DYNC2I1: variants seen among roughly 807,000 people sequenced by gnomAD.
DYNC2I1 encodes the protein cytoplasmic dynein 2 intermediate chain 1.
A neutral mutation model predicts 133.4 loss-of-function variants in DYNC2I1; 89 were observed. The observed-to-expected ratio is 0.67, with a 90% confidence interval of 0.56 to 0.80. DYNC2I1 has a LOEUF of 0.80. DYNC2I1 is among the 30% of genes least tolerant of loss of function. The pLI is 0.00. For synonymous variants in DYNC2I1, 504 were observed against 484.3 expected, an observed-to-expected ratio of 1.04 and a Z score of -0.54; for missense variants, 1,291 against 1,314.5, an observed-to-expected ratio of 0.98 and a Z score of 0.28.
chr7:158,849,751 C>G, the DYNC2I1 span, among the ~76,000 whole-genome samples: 1,467 of 152,334 alleles, frequency 9.6e-3, 25 homozygotes, highest in African/African-American at 0.033. Flanking sequence ...CAGCTCTCAA[C>G]AGAGAGGGTA....
At chr7:158,856,860 C>T in intron 1 of DYNC2I1, 110 bp downstream of exon 1, 7 of 1,179,760 alleles carry the variant, frequency 5.9e-6, no homozygotes, top group Non-Finnish European at 4.2e-6. Context: ...TTCTCTCGGC[C>T]GGGCCGGGGC....
At chr7:158,926,693 C>T (rs138335624) in intron 19 of DYNC2I1, among the ~76,000 whole-genome samples, 136 of 152,166 alleles carry the variant, frequency 8.9e-4, no homozygotes, top group Admixed American at 1.9e-3. Context: ...TTTGGGAACG[C>T]GGAATGAAAG....
At position 158,942,002 on chromosome 7, in the gene DYNC2I1, G is replaced by A. The variant is rs2129489043; in HGVS notation, c.2856G>A (p.Thr952=). The change falls in exon 24 of 25, where the codon ACG becomes ACA. Residue 952 remains threonine (T), a synonymous_variant. Coordinates refer to ENST00000407559, the MANE Select transcript of DYNC2I1 (RefSeq NM_018051.5). ...AFPLLQWDSS[T]DSHAVTGLQW... ...CGCTCCTGCAGTGGGACAGCAGCAC[G>A]GACAGCCATGCGGTCACCGGCCTGC... 7 of 1,613,496 alleles carry A rather than the reference G, an allele frequency of 4.3e-6. No individual in the cohort carries two copies. Among genetic ancestry groups the A allele is most frequent in the Middle Eastern group, 1.6e-4 (1 of 6,062 alleles).
At chr7:158,911,425 C>T (rs1008380854) in intron 11 of DYNC2I1, 125 bp from the exon 12 acceptor site, 66 of 1,061,942 alleles carry the variant, frequency 6.2e-5, no homozygotes, top group Admixed American at 1.1e-4. Context: ...CAGACTCACC[C>T]CAGCCTGAAG....
intron 23 of DYNC2I1, among the ~76,000 whole-genome samples, chr7:158,939,016 A>G (rs1421401158): frequency 6.6e-6 from 1 of 152,214 alleles, no homozygotes; most frequent in East Asian, 1.9e-4. Context: ...ATATAAATTG[A>G]GACAACTAAA....
chr7:158,859,659 C>T (rs535387515), intron 1 of DYNC2I1, among the ~76,000 whole-genome samples: 25 of 152,228 alleles, frequency 1.6e-4, no homozygotes, highest in African/African-American at 5.1e-4. Context: ...TGTGTCATCA[C>T]GCCCAGCTAA....
Position 158,945,486 on chromosome 7 carries a change from C to T in DYNC2I1, c.3003-95C>T, listed in dbSNP as rs1851790840. On this transcript the variant is annotated intron_variant, in intron 24 of 24. Transcript: ENST00000407559. This position sits in a 1 kb window ranked among gnomAD's most constrained non-coding sequence, Gnocchi z 4.1. ...TTTTTAGAATTTCTCATCCGTTTCA[C>T]TCTTCCCATGGAAGGTAGACATTTT... is the stretch of plus-strand genomic sequence containing the variant. 1.5e-6 allele frequency: 2 copies of T among 1,319,800 alleles called. No individual in the cohort carries two copies. Among genetic ancestry groups the T allele is most frequent in the South Asian group, 1.4e-5 (1 of 69,502 alleles). The allele number at this position is 1,319,800 out of a possible 1,614,324, so 81.8% of individuals were successfully genotyped here. A position where few individuals can be genotyped will look rare whatever the true frequency, so the allele number is the denominator to read the frequency against.
chr7:158,875,563 A>G (rs1267068997), intron 3 of DYNC2I1, among the ~76,000 whole-genome samples: 1 of 152,164 alleles, frequency 6.6e-6, no homozygotes, highest in Non-Finnish European at 1.5e-5. Context: ...CTTTGGTGTC[A>G]TCGGTACCTG....
chr7:158,889,815 C>T (rs1179053199), intron 7 of DYNC2I1, among the ~76,000 whole-genome samples: 1 of 151,794 alleles, frequency 6.6e-6, no homozygotes, highest in Non-Finnish European at 1.5e-5. Flanking sequence ...ATCAGCCTGA[C>T]CAACATGGTG....
downstream of DYNC2I1, among the ~76,000 whole-genome samples, chr7:158,947,232 C>G (rs138745682): frequency 3.5e-4 from 53 of 152,236 alleles, 1 homozygote; most frequent in African/African-American, 1.3e-3. Flanking sequence ...TGCATCTTCG[C>G]GGAACCCAGG....
At chr7:158,854,535 T>C (rs1456854580), upstream of DYNC2I1, among the ~76,000 whole-genome samples, 1 of 152,056 alleles carries the variant, frequency 6.6e-6, no homozygotes, top group Non-Finnish European at 1.5e-5. Context: ...GAGAAATACC[T>C]AATGTAGATG....
At chr7:158,879,309 A>G (rs1843752846) in intron 4 of DYNC2I1, among the ~76,000 whole-genome samples, 2 of 152,080 alleles carry the variant, frequency 1.3e-5, no homozygotes, top group Admixed American at 1.3e-4. Context: ...AAGACAGCAC[A>G]GTCGTCCCTT....
At chr7:158,868,041 G>A (rs928066734) in intron 1 of DYNC2I1, among the ~76,000 whole-genome samples, 7 of 152,056 alleles carry the variant, frequency 4.6e-5, no homozygotes, top group Admixed American at 2.0e-4. Flanking sequence ...CCGAGGTTGC[G>A]CCACTGCACT....
chr7:158,839,641 A>G, the DYNC2I1 span, among the ~76,000 whole-genome samples: 1 of 152,124 alleles, frequency 6.6e-6, no homozygotes, highest in African/African-American at 2.4e-5. Context: ...GACACGGTGA[A>G]ACCCCGTCTC....
chr7:158,957,292 G>A (rs1018631288), downstream of DYNC2I1, among the ~76,000 whole-genome samples: 2 of 152,218 alleles, frequency 1.3e-5, no homozygotes, highest in African/African-American at 4.8e-5. Context: ...GCTGGCCTCA[G>A]GCTCCAGGTC....
rs1563162595 is a variant in DYNC2I1, at chr7:158,915,628, CAGGATGATTGTGAAACCTCGACACGG to C, written c.1791+1308_1791+1333del. ...TGTGAAACATCGACACGCTGGTTGACAGGATGATTGTGAAACCTCGACACGGTGGTTGACATTAAGGATGATTGTGA... is the reference window on the plus strand; with the variant it reads ...TGTGAAACATCGACACGCTGGTTGACTGGTTGACATTAAGGATGATTGTGA... On this transcript the variant is annotated intron_variant, in intron 14 of 24. Coordinates refer to ENST00000407559, the MANE Select transcript of DYNC2I1 (RefSeq NM_018051.5). Among the ~76,000 whole-genome samples, 125 of 21,714 alleles carry C rather than the reference CAGGATGATTGTGAAACCTCGACACGG, an allele frequency of 5.8e-3. 1 individual carries two copies. The highest frequency in any genetic ancestry group is 7.0e-3 in the African/African-American group (26 of 3,734). 14.2% of individuals were successfully genotyped at this position (21,714 alleles called of 152,430 possible). A position where few individuals can be genotyped will look rare whatever the true frequency, so the allele number is the denominator to read the frequency against.
the DYNC2I1 span, among the ~76,000 whole-genome samples, chr7:158,851,066 G>C: frequency 6.6e-6 from 1 of 151,964 alleles, no homozygotes; most frequent in African/African-American, 2.4e-5. Context: ...GTTATTTATA[G>C]TTTAGAGCAA....
chr7:158,900,687 A>G (rs1846152182), intron 8 of DYNC2I1, among the ~76,000 whole-genome samples: 1 of 148,850 alleles, frequency 6.7e-6, no homozygotes. Flanking sequence ...TATACATGTG[A>G]ATACCTTTTG....
chr7:158,933,921 A>T (rs1850481125), intron 21 of DYNC2I1, among the ~76,000 whole-genome samples: 1 of 152,272 alleles, frequency 6.6e-6, no homozygotes, highest in South Asian at 2.1e-4. Context: ...AGCTGAAGAA[A>T]GAATTAGGGA....
Sources: gnomAD v4.1 joint callset for allele counts (sites outside exome capture counted in the v4.1 genomes callset) on GRCh38, gnomAD v4.1.1 for gene constraint, Gnocchi (gnomAD v3.1) non-coding constraint, MANE v1.5 for transcripts, NCBI Gene and HGNC (gene_info 2026-07-23, HGNC 2026-07-21) for gene names.